PCDHGB6: variants seen among roughly 807,000 people sequenced by gnomAD.
PCDHGB6 encodes protocadherin gamma subfamily B, 6, also known as protocadherin gamma-B6.
A neutral mutation model predicts 59.1 loss-of-function variants in PCDHGB6; 51 were observed. The observed-to-expected ratio is 0.86, with a 90% CI of 0.69 to 1.09. The LOEUF (loss-of-function observed/expected upper bound fraction) is 1.09. PCDHGB6 is among the 50% of genes least tolerant of loss of function. The pLI is 0.00. For synonymous variants in PCDHGB6, 466 were observed against 495.1 expected (o/e 0.94, Z 0.78); for missense variants, 1,148 against 1,205.1 (o/e 0.95, Z 0.70).
intron 1 of PCDHGB6, among the ~76,000 whole-genome samples, chr5:141,462,264 G>A (rs966953621): frequency 1.3e-5 from 2 of 152,174 alleles, no homozygotes; most frequent in African/African-American, 4.8e-5. Context: ...CCAGCCTAAA[G>A]TGTATTGTTT....
rs138031063 is a variant in PCDHGB6 at position 141,447,985 on chromosome 5, C to T, written c.2418+37365C>T. Among the ~76,000 whole-genome samples the T allele has an allele frequency of 3.9e-3, 591 of 152,010 alleles. 6 individuals are homozygous for T. The highest frequency in any genetic ancestry group is 0.011 in the Admixed American group (170 of 15,260). On this transcript the variant is annotated intron_variant, in intron 1 of 3. Transcript: ENST00000520790. ...CCTATAATCCCAGCTACTCGGGAGG[C>T]TGAGGCATGAGAATCGCTTGAACCC...
intron 1 of PCDHGB6, among the ~76,000 whole-genome samples, chr5:141,464,222 G>A (rs1189319398): frequency 2.7e-5 from 4 of 147,818 alleles, no homozygotes; most frequent in African/African-American, 7.5e-5. Flanking sequence ...CTGAGATTGC[G>A]CCACTGCACT....
intron 1 of PCDHGB6, chr5:141,413,082 A>G: frequency 7.4e-7 from 1 of 1,344,446 alleles, no homozygotes; most frequent in African/African-American, 1.5e-5. Context: ...CCCAGGCTAC[A>G]GAGACACCCT....
At chr5:141,467,491 A>T (rs2154569531) in intron 1 of PCDHGB6, among the ~76,000 whole-genome samples, 1 of 152,224 alleles carries the variant, frequency 6.6e-6, no homozygotes, top group Admixed American at 6.5e-5. Flanking sequence ...CCACATTTAG[A>T]TCCCTGATCT....
intron 1 of PCDHGB6, chr5:141,419,566 C>G: frequency 3.1e-6 from 5 of 1,611,792 alleles, no homozygotes; most frequent in Non-Finnish European, 2.5e-6. Context: ...CGCTGGGTCC[C>G]GACGGCTCCG....
intron 1 of PCDHGB6, chr5:141,421,308 C>T: frequency 6.2e-7 from 1 of 1,613,678 alleles, no homozygotes; most frequent in Non-Finnish European, 8.5e-7. Flanking sequence ...TGCGGGGGTT[C>T]CGGGCCAGGC....
intron 1 of PCDHGB6, chr5:141,478,533 C>G: frequency 6.2e-7 from 1 of 1,608,070 alleles, no homozygotes; most frequent in African/African-American, 1.3e-5. Context: ...GCAGAGAGCG[C>G]CCCTCCCGGA....
At chr5:141,481,999 C>T (rs958678555) in intron 1 of PCDHGB6, among the ~76,000 whole-genome samples, 7 of 149,942 alleles carry the variant, frequency 4.7e-5, no homozygotes, top group Admixed American at 2.0e-4. Flanking sequence ...GCAGGAGAAT[C>T]GCTTTATCTC....
intron 1 of PCDHGB6, chr5:141,433,139 T>G: frequency 6.2e-7 from 1 of 1,614,068 alleles, no homozygotes; most frequent in Non-Finnish European, 8.5e-7. Context: ...CCTTTTGCTG[T>G]CAGGTGATTC....
intron 1 of PCDHGB6, chr5:141,441,448 A>T (rs1415765869): frequency 1.2e-5 from 2 of 161,528 alleles, no homozygotes; most frequent in Non-Finnish European, 2.7e-5. Context: ...CAGCCCAAGC[A>T]TCACCCTACT....
At chr5:141,463,338 G>A (rs1005543705) in intron 1 of PCDHGB6, among the ~76,000 whole-genome samples, 2 of 150,742 alleles carry the variant, frequency 1.3e-5, no homozygotes, top group African/African-American at 2.4e-5. Flanking sequence ...CAAAACCATG[G>A]TGTTATTCTT....
At chr5:141,465,889 G>A (rs956310325) in intron 1 of PCDHGB6, among the ~76,000 whole-genome samples, 4 of 152,056 alleles carry the variant, frequency 2.6e-5, no homozygotes, top group Admixed American at 6.5e-5. Context: ...TTGGGAGGCC[G>A]AGGCGGGCAA....
In PCDHGB6 at chr5:141,419,702, G is replaced by A. The variant is rs116279995; in HGVS notation, c.2418+9082G>A. 1.9e-3 allele frequency: 3,028 copies of A among 1,612,950 alleles called. 48 individuals are homozygous for A. In the African/African-American group the frequency reaches 0.033, roughly 18 times the overall value. The stretch of plus-strand genomic sequence containing the variant: ...CCACGTGGTGCAGGCCAGTGAGCCC[G>A]GGCTCTTCAGCCTGGGGCTGCGAAC... On this transcript the variant is annotated intron_variant, in intron 1 of 3. Transcript: ENST00000520790.
Position 141,485,465 on chromosome 5 carries a change from C to A in PCDHGB6, c.2419-9342C>A, listed in dbSNP as rs2099614061. 6.2e-7 allele frequency: 1 copy of A among 1,614,044 alleles called. No homozygotes were observed. Among genetic ancestry groups the A allele is most frequent in the African/African-American group, 1.3e-5 (1 of 74,918 alleles). ...AATCGACCGAGAGGCACTGTGTGGG[C>A]TCAGTGCCAGCTGCATCGTGCCCCT... On this transcript the variant is annotated intron_variant, in intron 1 of 3. Transcript: ENST00000520790. This position sits in a 1 kb window ranked among gnomAD's most constrained non-coding sequence, Gnocchi z 5.7.
chr5:141,507,735 C>T (rs942364858), intron 3 of PCDHGB6, among the ~76,000 whole-genome samples: 3 of 152,268 alleles, frequency 2.0e-5, no homozygotes, highest in Non-Finnish European at 2.9e-5. Flanking sequence ...TCATGCAGCT[C>T]GTTCCCCTGT....
At chr5:141,507,852 T>C (rs556569001) in intron 3 of PCDHGB6, among the ~76,000 whole-genome samples, 25 of 152,118 alleles carry the variant, frequency 1.6e-4, no homozygotes, top group Non-Finnish European at 2.6e-4. Context: ...CTGCTCTCAC[T>C]TTCACACCCG....
intron 1 of PCDHGB6, among the ~76,000 whole-genome samples, chr5:141,439,024 T>C (rs1278127532): frequency 2.0e-5 from 3 of 151,510 alleles, no homozygotes; most frequent in African/African-American, 7.3e-5. Flanking sequence ...ATTTTGAAAA[T>C]AGATGCCTCA....
rs1424650333 is a variant in PCDHGB6, at chr5:141,410,296, A to G, written c.2094A>G (p.Leu698=). ...TTTACCTGGTGGTGGCCTTGGCCTT[A>G]ATCTCAGTGCTCTTCCTCCTCGCCG... ...LQFYLVVALA[L]ISVLFLLAVI... is the part of the protein sequence containing the mutation. The change falls in exon 1 of 4, where the codon TTA becomes TTG. Residue 698 remains leucine (L), a synonymous_variant. Transcript: ENST00000520790. 1 of 1,613,774 alleles carries G rather than the reference A, an allele frequency of 6.2e-7. No homozygotes were observed. Among genetic ancestry groups the G allele is most frequent in the Admixed American group, 1.7e-5 (1 of 59,994 alleles).
chr5:141,435,855 G>A (rs1164301394), intron 1 of PCDHGB6, among the ~76,000 whole-genome samples: 1 of 152,006 alleles, frequency 6.6e-6, no homozygotes, highest in Non-Finnish European at 1.5e-5. Flanking sequence ...AGATACAATA[G>A]TTAAAACCCA....
Sources: allele counts gnomAD v4.1 joint callset (sites outside exome capture counted in the v4.1 genomes callset), GRCh38; gene constraint gnomAD v4.1.1; non-coding constraint Gnocchi (gnomAD v3.1); transcripts MANE v1.5; gene names NCBI Gene and HGNC (gene_info 2026-07-23, HGNC 2026-07-21).